Variants in CDH4 observed in about 807,000 individuals in gnomAD.
CDH4 encodes cadherin-4.
Under a neutral mutation model 86.0 loss-of-function variants are expected in CDH4, and 33 were observed. The observed-to-expected ratio is 0.38, with a 90% CI of 0.29 to 0.51. The LOEUF (loss-of-function observed/expected upper bound fraction) is 0.51, where lower values mean the gene tolerates loss of function less well. CDH4 is among the 20% of genes least tolerant of loss of function. The probability of loss-of-function intolerance (pLI) is 0.86; values close to 1 mark genes in which losing one functional copy is unlikely to be tolerated. For synonymous variants in CDH4, 555 were observed against 549.4 expected (o/e 1.01, Z -0.14); for missense variants, 1,114 against 1,307.4 (o/e 0.85, Z 2.28).
chr20:61,256,503 T>C (rs974926459), intron 2 of CDH4, among the ~76,000 whole-genome samples: 4 of 152,204 alleles, frequency 2.6e-5, no homozygotes, highest in Non-Finnish European at 4.4e-5. Context: ...GGATATCTGC[T>C]CCAGTGGTCC....
chr20:61,373,309 C>T (rs962123878), intron 2 of CDH4, among the ~76,000 whole-genome samples: 1 of 152,182 alleles, frequency 6.6e-6, no homozygotes, highest in Non-Finnish European at 1.5e-5. Flanking sequence ...CAGCATAGGC[C>T]CCAGCTCAGG....
chr20:61,454,541 G>A lies in CDH4; in HGVS notation c.169+199604G>A, dbSNP rs6142729. 3.4e-3 allele frequency among the ~76,000 whole-genome samples: 519 copies of A among 152,278 alleles called. 17 individuals are homozygous for A. In the East Asian group the frequency reaches 0.061, roughly 18 times the overall value. On this transcript the variant is annotated intron_variant, in intron 2 of 15. Transcript: ENST00000614565. ...GCTCACTGCAAGCTCCGCCTCCCGG[G>A]TTCACGCCATTCTCCTGCCTCAGCC...
intron 6 of CDH4, among the ~76,000 whole-genome samples, chr20:61,857,140 T>G (rs1240631574): frequency 6.6e-6 from 1 of 151,952 alleles, no homozygotes; most frequent in East Asian, 1.9e-4. Flanking sequence ...CCCATACCCC[T>G]CCCCGGGGCA....
chr20:61,362,828 T>C (rs567640936), intron 2 of CDH4, among the ~76,000 whole-genome samples: 3 of 152,218 alleles, frequency 2.0e-5, no homozygotes, highest in African/African-American at 7.2e-5. Flanking sequence ...GGAGATCAAA[T>C]AACTGCCAAG....
intron 2 of CDH4, among the ~76,000 whole-genome samples, chr20:61,595,992 T>C (rs1460254880): frequency 6.6e-6 from 1 of 152,212 alleles, no homozygotes. Flanking sequence ...ACATTGCCCC[T>C]TGGGCAGCTG....
intron 2 of CDH4, among the ~76,000 whole-genome samples, chr20:61,306,873 G>A (rs1265821921): frequency 6.6e-6 from 1 of 152,122 alleles, no homozygotes; most frequent in Non-Finnish European, 1.5e-5. Context: ...CACTTCACCT[G>A]TACGCCTGGC....
At chr20:61,255,056 T>C in intron 2 of CDH4, 119 bp downstream of exon 2, 1 of 695,938 alleles carries the variant, frequency 1.4e-6, no homozygotes, top group Non-Finnish European at 2.6e-6. Context: ...ATGATGGTGG[T>C]GAAGTCCACG....
In CDH4 at chr20:61,902,352, G is replaced by A. The variant is rs1270490382; in HGVS notation, c.1188+7305G>A. Among the ~76,000 whole-genome samples, 7 of 152,234 alleles carry A rather than the reference G, an allele frequency of 4.6e-5. No homozygotes were observed. The highest frequency in any genetic ancestry group is 1.0e-4 in the Non-Finnish European group (7 of 68,038). The stretch of plus-strand genomic sequence containing the variant: ...CCTTCACCAGCCACGGAGACCCGGG[G>A]TCTATGGGCAGTGCCCTAAATGCCA... On this transcript the variant is annotated intron_variant, in intron 8 of 15. Coordinates refer to ENST00000614565, the MANE Select transcript of CDH4 (RefSeq NM_001794.5). The surrounding 1 kb of genome is among the most constrained non-coding windows in gnomAD (Gnocchi z 4.6).
intron 9 of CDH4, among the ~76,000 whole-genome samples, chr20:61,918,269 C>T (rs969307093): frequency 7.9e-5 from 12 of 152,220 alleles, no homozygotes; most frequent in South Asian, 2.1e-4. Context: ...CTGGATCAGG[C>T]GTCCCTTCAG....
chr20:61,412,351 A>T (rs540198574), intron 2 of CDH4, among the ~76,000 whole-genome samples: 18 of 152,286 alleles, frequency 1.2e-4, no homozygotes, highest in African/African-American at 4.3e-4. Flanking sequence ...GGTAGCTTGG[A>T]ACTGGCCACG....
intron 2 of CDH4, among the ~76,000 whole-genome samples, chr20:61,482,539 G>T (rs1207748726): frequency 6.6e-6 from 1 of 152,190 alleles, no homozygotes; most frequent in African/African-American, 2.4e-5. Flanking sequence ...GGTGGAGCCT[G>T]AGACCTAGTT....
At chr20:61,304,174 A>G (rs1455435082) in intron 2 of CDH4, among the ~76,000 whole-genome samples, 1 of 152,086 alleles carries the variant, frequency 6.6e-6, no homozygotes, top group East Asian at 1.9e-4. Flanking sequence ...GCTTCTATGA[A>G]GACGAATCCT....
At chr20:61,881,620 G>A (rs771127613) in intron 7 of CDH4, among the ~76,000 whole-genome samples, 2 of 152,206 alleles carry the variant, frequency 1.3e-5, no homozygotes, top group East Asian at 1.9e-4. Context: ...AGAGGCCAAC[G>A]TCTCCATCTG....
intron 4 of CDH4, 65 bp from the exon 5 acceptor site, chr20:61,844,603 G>A (rs976012655): frequency 5.2e-5 from 78 of 1,489,122 alleles, no homozygotes; most frequent in Non-Finnish European, 7.0e-5. Context: ...ATGAATGTCA[G>A]AGATCGGCCC....
At chr20:61,735,830 G>A (rs1438095038) in intron 2 of CDH4, among the ~76,000 whole-genome samples, 1 of 152,206 alleles carries the variant, frequency 6.6e-6, no homozygotes. Flanking sequence ...GAGAGCATGT[G>A]CATGCAGCGG....
chr20:61,259,885 T>G (rs1412267248), intron 2 of CDH4, among the ~76,000 whole-genome samples: 1 of 152,214 alleles, frequency 6.6e-6, no homozygotes, highest in Non-Finnish European at 1.5e-5. Context: ...TGGCCATGCC[T>G]TCCACCCTTT....
chr20:61,906,232 G>C (rs2054786876), intron 8 of CDH4, among the ~76,000 whole-genome samples: 1 of 152,254 alleles, frequency 6.6e-6, no homozygotes, highest in Non-Finnish European at 1.5e-5. Context: ...CTATGGTCAG[G>C]CTGTCTCTGT....
intron 2 of CDH4, among the ~76,000 whole-genome samples, chr20:61,464,464 A>G (rs573279884): frequency 6.6e-6 from 1 of 152,296 alleles, no homozygotes; most frequent in Non-Finnish European, 1.5e-5. Flanking sequence ...CCGGCTATAG[A>G]CCAGAATAGC....
At chr20:61,325,926 T>C (rs974813221) in intron 2 of CDH4, among the ~76,000 whole-genome samples, 1 of 152,210 alleles carries the variant, frequency 6.6e-6, no homozygotes, top group Non-Finnish European at 1.5e-5. Context: ...CTGGTTGGCC[T>C]GGTCAGTGCC....
Sources: gnomAD v4.1 joint callset for allele counts (sites outside exome capture counted in the v4.1 genomes callset) on GRCh38, gnomAD v4.1.1 for gene constraint, Gnocchi (gnomAD v3.1) non-coding constraint, MANE v1.5 for transcripts, NCBI Gene and HGNC (gene_info 2026-07-23, HGNC 2026-07-21) for gene names.